Variants in FITM2 observed in about 807,000 individuals in gnomAD.
The protein encoded by FITM2 is fat storage inducing transmembrane protein 2, also known as acyl-coenzyme A diphosphatase FITM2.
In FITM2, 16 loss-of-function variants were observed where a neutral mutation model predicts 23.3. That is an observed-to-expected ratio of 0.69 (90% CI 0.47 to 1.05). The LOEUF is 1.05. Ranked by LOEUF, FITM2 falls within the 50% of genes least tolerant of loss-of-function variation. The pLI, the probability that FITM2 is intolerant of heterozygous loss-of-function variation, is 0.00. For missense variants in FITM2, 273 were observed against 327.5 expected (o/e 0.83, Z 1.29); for synonymous variants, 132 against 142.0 (o/e 0.93, Z 0.50).
At position 44,304,263 on chromosome 20, in the gene FITM2, G is replaced by C. The variant is rs1261074722; in HGVS notation, c.*2362C>G. ...CTCAGTTAATGCTACTATTGGACTT[G>C]ATTGGAGAGAGGGGCATCAAGGCGG... On this transcript the variant is annotated 3_prime_UTR_variant, in exon 2 of 2. Transcript: ENST00000396825. 1 of 152,184 alleles carries C rather than the reference G, an allele frequency of 6.6e-6. No individual in the cohort carries two copies. The highest frequency in any genetic ancestry group is 2.4e-5 in the African/African-American group (1 of 41,446). The allele number at this position is 152,184 out of a possible 1,614,324, so 9.4% of individuals were successfully genotyped here. A position where few individuals can be genotyped will look rare whatever the true frequency, so the allele number is the denominator to read the frequency against.
At chr20:44,310,839 A>C (rs1167576199) in intron 1 of FITM2, 137 bp downstream of exon 1, 7 of 1,228,746 alleles carry the variant, frequency 5.7e-6, no homozygotes, top group Non-Finnish European at 7.8e-6. Flanking sequence ...ACACGCGTGC[A>C]GATGCTGCTG....
In FITM2 at chr20:44,305,259, A is replaced by G. The variant is rs2062686459; in HGVS notation, c.*1366T>C. ...GAACAAATGTCACAGTTCTTATCAAAAACTGTAAAGGATTCGCTCAAAATA... is the reference window on the plus strand; with the variant it reads ...GAACAAATGTCACAGTTCTTATCAAGAACTGTAAAGGATTCGCTCAAAATA... On this transcript the variant is annotated 3_prime_UTR_variant, in exon 2 of 2. Coordinates refer to ENST00000396825, the MANE Select transcript of FITM2 (RefSeq NM_001080472.4). 1 of 152,216 alleles carries G rather than the reference A, an allele frequency of 6.6e-6. No homozygotes were observed. The highest frequency in any genetic ancestry group is 1.5e-5 in the Non-Finnish European group (1 of 68,040). 9.4% of individuals were successfully genotyped at this position (152,216 alleles called of 1,614,324 possible). A position where few individuals can be genotyped will look rare whatever the true frequency, so the allele number is the denominator to read the frequency against.
At position 44,307,194 on chromosome 20, in the gene FITM2, G is replaced by A. The variant is rs1327478249; in HGVS notation, c.220C>T (p.Pro74Ser). 3.1e-6 allele frequency: 5 copies of A among 1,614,186 alleles called. No individual in the cohort carries two copies. Among genetic ancestry groups the A allele is most frequent in the South Asian group, 1.1e-5 (1 of 91,078 alleles). The change falls in exon 2 of 2, where the codon CCT becomes TCT. Residue 74 changes from proline to serine, a missense_variant. Physicochemically the swap from Pro to Ser is moderately conservative, Grantham distance 74 (BLOSUM62 -1). This residue lies in a region of FITM2 where 123 missense variants were observed against 117.9 expected (regional missense o/e 1.04). Coordinates refer to ENST00000396825, the MANE Select transcript of FITM2 (RefSeq NM_001080472.4). ...TGGTAGTTGGTGAGGGCAATGAAAG[G>A]CAGAAGGAGACAGAACGTCCAGGCC... ...AWAWTFCLLL[P>S]FIALTNYHLT...
chr20:44,310,373 A>G (rs1275684436), intron 1 of FITM2, among the ~76,000 whole-genome samples: 1 of 152,212 alleles, frequency 6.6e-6, no homozygotes, highest in African/African-American at 2.4e-5. Context: ...GGCCACTGCC[A>G]TGCATTCTGA....
rs2062685887 is a variant in FITM2 at position 44,305,067 on chromosome 20, T to G, written c.*1558A>C. ...AGAAAACAGCCCCATGAGGTGGAATTTAAGACTGTAAGACCAGAGTTTGGT... is the reference window on the plus strand; with the variant it reads ...AGAAAACAGCCCCATGAGGTGGAATGTAAGACTGTAAGACCAGAGTTTGGT... On this transcript the variant is annotated 3_prime_UTR_variant, in exon 2 of 2. Transcript: ENST00000396825. The G allele has an allele frequency of 6.6e-6, 1 of 152,096 alleles. No individual in the cohort carries two copies. Among genetic ancestry groups the G allele is most frequent in the South Asian group, 2.1e-4 (1 of 4,836 alleles). 9.4% of individuals were successfully genotyped at this position (152,096 alleles called of 1,614,324 possible).
At position 44,311,199 on chromosome 20, in the gene FITM2, T is replaced by TA. The variant is rs2062704736; in HGVS notation, c.-52dup. The TA allele has an allele frequency of 6.4e-7, 1 of 1,573,076 alleles. No individual in the cohort carries two copies. The highest frequency in any genetic ancestry group is 8.6e-7 in the Non-Finnish European group (1 of 1,158,748). Reference sequence around the variant, plus strand: ...CCTCTCCGTGCCCTCTCGGCCACCGTATCGCCCTTCGCCCGGACCTGCGCC... The same window carrying TA: ...CCTCTCCGTGCCCTCTCGGCCACCGTAATCGCCCTTCGCCCGGACCTGCGCC... On this transcript the variant is annotated 5_prime_UTR_variant, in exon 1 of 2. Coordinates refer to ENST00000396825, the MANE Select transcript of FITM2 (RefSeq NM_001080472.4).
At position 44,308,435 on chromosome 20, in the gene FITM2, C is replaced by T. The variant is rs900694766; in HGVS notation, c.174-1195G>A. ...AGGCTCAGAAAAGTTCAGTACCTTGCCAGGGTCACACTCACACAACCAGCA... is the reference window on the plus strand; with the variant it reads ...AGGCTCAGAAAAGTTCAGTACCTTGTCAGGGTCACACTCACACAACCAGCA... On this transcript the variant is annotated intron_variant, in intron 1 of 1. Coordinates refer to ENST00000396825, the MANE Select transcript of FITM2 (RefSeq NM_001080472.4). Among the ~76,000 whole-genome samples, 7 of 152,306 alleles carry T rather than the reference C, an allele frequency of 4.6e-5. No individual in the cohort carries two copies. In the South Asian group the frequency reaches 1.5e-3, roughly 32 times the overall value.
Position 44,311,048 on chromosome 20 carries a change from G to T in FITM2, c.101C>A (p.Ala34Glu). 6.2e-7 allele frequency: 1 copy of T among 1,603,108 alleles called. No homozygotes were observed. The highest frequency in any genetic ancestry group is 8.5e-7 in the Non-Finnish European group (1 of 1,175,688). The change falls in exon 1 of 2, where the codon GCG becomes GAG. Residue 34 changes from alanine to glutamate, a missense_variant. By Grantham distance (107) the Ala-to-Glu change is moderately radical. Around this residue, in one of 3 missense-constraint regions of FITM2, gnomAD observed 123 missense variants for 117.9 expected, o/e 1.04. Coordinates refer to ENST00000396825, the MANE Select transcript of FITM2 (RefSeq NM_001080472.4). ...LPWALVASML[A>E]GSLLKELSPL... The stretch of plus-strand genomic sequence containing the variant: ...GGACAACTCCTTGAGGAGGGAGCCC[G>T]CCAGCATGGAGGCCACCAGGGCCCA...
Position 44,303,970 on chromosome 20 carries a change from C to G in FITM2, c.*2655G>C, listed in dbSNP as rs567360204. 6.6e-6 allele frequency: 1 copy of G among 152,136 alleles called. No individual in the cohort carries two copies. The highest frequency in any genetic ancestry group is 1.5e-5 in the Non-Finnish European group (1 of 68,074). The allele number at this position is 152,136 out of a possible 1,614,324, so 9.4% of individuals were successfully genotyped here. A position where few individuals can be genotyped will look rare whatever the true frequency, so the allele number is the denominator to read the frequency against. Reference sequence around the variant, plus strand: ...CCCTGCCATCTACTCCATGGCCACTCCCACCACTGGTTTATGGGCATAGGC... The same window carrying G: ...CCCTGCCATCTACTCCATGGCCACTGCCACCACTGGTTTATGGGCATAGGC... On this transcript the variant is annotated 3_prime_UTR_variant, in exon 2 of 2. Transcript: ENST00000396825.
intron 1 of FITM2, among the ~76,000 whole-genome samples, chr20:44,309,137 G>A (rs1401974622): frequency 1.3e-5 from 2 of 151,834 alleles, no homozygotes; most frequent in Admixed American, 6.6e-5. Context: ...TGGGATTACA[G>A]GCACCTACCA....
Position 44,307,243 on chromosome 20 carries a change from G to A in FITM2, c.174-3C>T. On this transcript the variant is annotated splice_region_variant and splice_polypyrimidine_tract_variant and intron_variant, in intron 1 of 1. Transcript: ENST00000396825. ...CCCAGGCCACTTTGACAAAATACCT[G>A]ACAGAGGAGGAAAGTGGAAGTGAAG... The A allele has an allele frequency of 6.2e-7, 1 of 1,612,990 alleles. No individual in the cohort carries two copies. The highest frequency in any genetic ancestry group is 8.5e-7 in the Non-Finnish European group (1 of 1,179,162).
In FITM2 at chr20:44,306,444, G is replaced by T; in HGVS notation, c.*181C>A. The T allele has an allele frequency of 1.4e-6, 1 of 724,260 alleles. No individual in the cohort carries two copies. Among genetic ancestry groups the T allele is most frequent in the Non-Finnish European group, 2.2e-6 (1 of 464,498 alleles). The allele number at this position is 724,260 out of a possible 1,614,324, so 44.9% of individuals were successfully genotyped here. Reference sequence around the variant, plus strand: ...GAATGGTGGTGCTTGCAACACTGGTGATGTCGCCAAGAATAGTCTGAAGAC... The same window carrying T: ...GAATGGTGGTGCTTGCAACACTGGTTATGTCGCCAAGAATAGTCTGAAGAC... On this transcript the variant is annotated 3_prime_UTR_variant, in exon 2 of 2. Transcript: ENST00000396825.
Position 44,310,669 on chromosome 20 carries a change from G to A in FITM2, c.173+307C>T, listed in dbSNP as rs114358003. Among the ~76,000 whole-genome samples the A allele has an allele frequency of 1.5e-3, 231 of 152,170 alleles. 2 individuals are homozygous for A. The highest frequency in any genetic ancestry group is 4.9e-3 in the African/African-American group (205 of 41,564). On this transcript the variant is annotated intron_variant, in intron 1 of 1. Transcript: ENST00000396825. ...AAGGGGAGGCGGGGGAGTGGTGACA[G>A]GGGCTGGTTCATCCCCACCCCATTC...
Position 44,307,167 on chromosome 20 carries a change from G to T in FITM2, c.247C>A (p.Leu83Met), listed in dbSNP as rs1477671163. Residue 83 changes from leucine (L) to methionine (M), a missense_variant, in exon 2 of 2, where the codon CTG becomes ATG. Around this residue, in one of 3 missense-constraint regions of FITM2, gnomAD observed 123 missense variants for 117.9 expected, o/e 1.04. Transcript: ENST00000396825. ...AGGACCAAGCCAGCCTTGCCGGTCAGATGGTAGTTGGTGAGGGCAATGAAA... is the reference window on the plus strand; with the variant it reads ...AGGACCAAGCCAGCCTTGCCGGTCATATGGTAGTTGGTGAGGGCAATGAAA... ...LPFIALTNYH[L>M]TGKAGLVLRR... The T allele has an allele frequency of 1.9e-6, 3 of 1,614,234 alleles. No homozygotes were observed. The highest frequency in any genetic ancestry group is 1.7e-6 in the Non-Finnish European group (2 of 1,180,050).
intron 1 of FITM2, among the ~76,000 whole-genome samples, chr20:44,309,563 C>T (rs1028644725): frequency 1.3e-5 from 2 of 152,150 alleles, no homozygotes; most frequent in Non-Finnish European, 2.9e-5. Context: ...TTCACTCTTA[C>T]GGGTTCAAAT....
chr20:44,310,954 C>T (rs1178225383), intron 1 of FITM2, 22 bp downstream of exon 1: 1 of 1,529,878 alleles, frequency 6.5e-7, no homozygotes, highest in African/African-American at 1.4e-5. Context: ...GCGGGGACAG[C>T]GGAGGACCGG....
At chr20:44,309,128 G>A (rs1347401017) in intron 1 of FITM2, among the ~76,000 whole-genome samples, 1 of 152,000 alleles carries the variant, frequency 6.6e-6, no homozygotes, top group Non-Finnish European at 1.5e-5. Context: ...CGGAGTAGCT[G>A]GGATTACAGG....
In FITM2 at chr20:44,306,706, A is replaced by C. The variant is rs1947600255; in HGVS notation, c.708T>G (p.Phe236Leu). 3 of 1,614,164 alleles carry C rather than the reference A, an allele frequency of 1.9e-6. No individual in the cohort carries two copies. Among genetic ancestry groups the C allele is most frequent in the Non-Finnish European group, 2.5e-6 (3 of 1,180,022 alleles). ...CTGGGGAAAAGGCTTTCGGATACCA[A>C]AACCCGTATGTCCCGTACCAGCTCA... Reference protein sequence around the residue: ...GLLSWYGTYGFWYPKAFSPGL... With the variant: ...GLLSWYGTYGLWYPKAFSPGL... Residue 236 changes from phenylalanine (F) to leucine (L), a missense_variant, in exon 2 of 2, where the codon TTT becomes TTG. Physicochemically the swap from Phe to Leu is conservative, Grantham distance 22. Coordinates refer to ENST00000396825, the MANE Select transcript of FITM2 (RefSeq NM_001080472.4).
At position 44,305,196 on chromosome 20, in the gene FITM2, T is replaced by C. The variant is rs1215186042; in HGVS notation, c.*1429A>G. On this transcript the variant is annotated 3_prime_UTR_variant, in exon 2 of 2. Transcript: ENST00000396825. ...ACCTACATGTGCCAGAGTGCAGCACTGGCCTTGTGAGTTATTTTCAGGAGT... is the reference window on the plus strand; with the variant it reads ...ACCTACATGTGCCAGAGTGCAGCACCGGCCTTGTGAGTTATTTTCAGGAGT... The C allele has an allele frequency of 6.6e-6, 1 of 152,232 alleles. No individual in the cohort carries two copies. Among genetic ancestry groups the C allele is most frequent in the Non-Finnish European group, 1.5e-5 (1 of 68,038 alleles). 9.4% of individuals were successfully genotyped at this position (152,232 alleles called of 1,614,324 possible).
Sources: gnomAD v4.1 joint callset for allele counts (sites outside exome capture counted in the v4.1 genomes callset) on GRCh38, gnomAD v4.1.1 for gene constraint, gnomAD v4.1.1 regional missense constraint, MANE v1.5 for transcripts, NCBI Gene and HGNC (gene_info 2026-07-23, HGNC 2026-07-21) for gene names.